SYNPR: variants seen among roughly 807,000 people sequenced by gnomAD.
SYNPR encodes synaptoporin.
A neutral mutation model predicts 32.9 loss-of-function variants in SYNPR; 23 were observed. The observed-to-expected ratio is 0.70, with a 90% CI of 0.50 to 0.99. The LOEUF (loss-of-function observed/expected upper bound fraction) is 0.99. Ranked by LOEUF, SYNPR falls within the 50% of genes least tolerant of loss-of-function variation. The pLI, the probability that SYNPR is intolerant of heterozygous loss-of-function variation, is 0.00. For missense variants in SYNPR, 318 were observed against 349.3 expected, an observed-to-expected ratio of 0.91 and a Z score of 0.71; for synonymous variants, 146 against 135.9, an observed-to-expected ratio of 1.07 and a Z score of -0.52.
chr3:63,571,548 CA>C (rs1330945128), intron 4 of SYNPR, among the ~76,000 whole-genome samples: 1 of 152,038 alleles, frequency 6.6e-6, no homozygotes, highest in African/African-American at 2.4e-5. Flanking sequence ...TTTAAAGACT[CA>C]GTTATGAATT....
intron 4 of SYNPR, among the ~76,000 whole-genome samples, chr3:63,589,303 C>T (rs867772983): frequency 3.9e-5 from 6 of 152,052 alleles, no homozygotes; most frequent in Non-Finnish European, 7.4e-5. Context: ...AGGACTTTTC[C>T]TACAAAGCTA....
At chr3:63,221,887 G>C in the SYNPR span, among the ~76,000 whole-genome samples, 6 of 151,926 alleles carry the variant, frequency 3.9e-5, no homozygotes, top group African/African-American at 1.2e-4. Flanking sequence ...ATCTCTAAAG[G>C]GTTTAGCATA....
chr3:63,305,055 C>A (rs1402745657), intron 2 of SYNPR, among the ~76,000 whole-genome samples: 1 of 151,926 alleles, frequency 6.6e-6, no homozygotes, highest in Non-Finnish European at 1.5e-5. Flanking sequence ...TCCCAGTGAC[C>A]TTCTGGTATT....
At chr3:63,396,291 GC>G (rs1399164680) in intron 2 of SYNPR, among the ~76,000 whole-genome samples, 6 of 152,064 alleles carry the variant, frequency 3.9e-5, no homozygotes, top group Admixed American at 3.9e-4. Context: ...AAAGCTATTA[GC>G]CTAAAAATGA....
intron 3 of SYNPR, among the ~76,000 whole-genome samples, chr3:63,542,898 G>A (rs1293116031): frequency 7.9e-5 from 12 of 152,044 alleles, no homozygotes; most frequent in Admixed American, 3.9e-4. Context: ...GTAAAATGAG[G>A]TAATTTGAGG....
chr3:63,609,315 T>C lies in SYNPR; in HGVS notation c.599T>C (p.Val200Ala), dbSNP rs1347444605. ...SPVMSSLNTS[V>A]VFGFLNFILW... ...GTTATGTCAAGCTTAAACACTTCTG[T>C]GGTAAGTATTTTTCATCTATGCTTT... Residue 200 changes from valine to alanine, a missense_variant and splice_region_variant, in exon 5 of 6, where the codon GTG becomes GCG. By Grantham distance (64) the Val-to-Ala change is moderately conservative (BLOSUM62 0). Coordinates refer to ENST00000478300, the MANE Select transcript of SYNPR (RefSeq NM_001130003.2). 3 of 1,559,800 alleles carry C rather than the reference T, an allele frequency of 1.9e-6. No homozygotes were observed. The highest frequency in any genetic ancestry group is 3.9e-5 in the Admixed American group (2 of 51,042).
intron 3 of SYNPR, among the ~76,000 whole-genome samples, chr3:63,529,959 C>A (rs951642565): frequency 6.6e-6 from 1 of 152,094 alleles, no homozygotes; most frequent in South Asian, 2.1e-4. Flanking sequence ...ACTTGACTTC[C>A]CCACTCTGGC....
chr3:63,304,018 T>C (rs1395931717), intron 2 of SYNPR, among the ~76,000 whole-genome samples: 2 of 152,024 alleles, frequency 1.3e-5, no homozygotes, highest in South Asian at 2.1e-4. Context: ...CAAATTTACC[T>C]TGAGACATCA....
At chr3:63,451,661 C>G (rs1195349079) in intron 2 of SYNPR, among the ~76,000 whole-genome samples, 1 of 152,064 alleles carries the variant, frequency 6.6e-6, no homozygotes, top group Non-Finnish European at 1.5e-5. Flanking sequence ...GACTTCAACG[C>G]TCTCCCCTCT....
intron 2 of SYNPR, among the ~76,000 whole-genome samples, chr3:63,345,896 C>T (rs1417270645): frequency 6.6e-6 from 1 of 151,956 alleles, no homozygotes; most frequent in Non-Finnish European, 1.5e-5. Context: ...CTCACTGCAA[C>T]CTCCATCTCC....
the SYNPR span, among the ~76,000 whole-genome samples, chr3:63,200,609 C>T: frequency 6.8e-3 from 1,035 of 152,214 alleles, 12 homozygotes; most frequent in African/African-American, 0.022. Context: ...GGTGAGGAAA[C>T]GGAAACTCAT....
intron 4 of SYNPR, among the ~76,000 whole-genome samples, chr3:63,588,484 C>T (rs542130120): frequency 1.1e-4 from 16 of 152,022 alleles, no homozygotes; most frequent in Non-Finnish European, 2.1e-4. Flanking sequence ...TAAATCTTAG[C>T]ATTTTCATCT....
At chr3:63,471,680 C>T (rs1332338926) in intron 2 of SYNPR, among the ~76,000 whole-genome samples, 7 of 152,160 alleles carry the variant, frequency 4.6e-5, no homozygotes, top group Non-Finnish European at 7.3e-5. Context: ...ACATATTCCT[C>T]GCTTTTTTAT....
chr3:63,510,915 C>CTGTGTGTGTGTGTGTGTGTGTGTGTGTG lies in SYNPR; in HGVS notation c.209+29979_209+29980insTGTGTGTGTGTGTGTGTGTGTGTGTGTG, dbSNP rs755622968. On this transcript the variant is annotated intron_variant, in intron 3 of 5. Transcript: ENST00000478300. ...GTAAATGAAAAGGCAAAAGGTACAA[C>CTGTGTGTGTGTGTGTGTGTGTGTGTGTG]TGTGTGTGTGTGTGTGTGTGCGCGC... Among the ~76,000 whole-genome samples, 844 of 149,156 alleles carry CTGTGTGTGTGTGTGTGTGTGTGTGTGTG rather than the reference C, an allele frequency of 5.7e-3. 5 individuals are homozygous for CTGTGTGTGTGTGTGTGTGTGTGTGTGTG. Among genetic ancestry groups the CTGTGTGTGTGTGTGTGTGTGTGTGTGTG allele is most frequent in the Admixed American group, 0.011 (161 of 14,964 alleles).
chr3:63,219,094 A>T, the SYNPR span, among the ~76,000 whole-genome samples: 1 of 152,192 alleles, frequency 6.6e-6, no homozygotes, highest in Admixed American at 6.5e-5. Context: ...TCTATGAAGG[A>T]ATTGAAGAGA....
chr3:63,598,989 A>T (rs1180942717), intron 4 of SYNPR, among the ~76,000 whole-genome samples: 1 of 152,212 alleles, frequency 6.6e-6, no homozygotes, highest in East Asian at 1.9e-4. Flanking sequence ...GATACTACTC[A>T]GGCAGACCAT....
intron 4 of SYNPR, among the ~76,000 whole-genome samples, chr3:63,562,721 A>G (rs1305646572): frequency 1.3e-5 from 2 of 152,242 alleles, no homozygotes; most frequent in African/African-American, 4.8e-5. Flanking sequence ...ATTGGAAAAT[A>G]AGTCCAGGAT....
At chr3:63,399,707 G>C (rs9856132) in intron 2 of SYNPR, among the ~76,000 whole-genome samples, 81,955 of 151,332 alleles carry the variant, frequency 0.54, 22,355 homozygotes, top group East Asian at 0.68. Flanking sequence ...TGGTAGACTA[G>C]GTTATTGTGC....
At chr3:63,499,053 A>T (rs948253544) in intron 3 of SYNPR, among the ~76,000 whole-genome samples, 11 of 151,850 alleles carry the variant, frequency 7.2e-5, no homozygotes, top group East Asian at 1.9e-4. Context: ...GTGAAAAAAA[A>T]TTTTTTCTGG....
Sources: gnomAD v4.1 joint callset for allele counts (sites outside exome capture counted in the v4.1 genomes callset) on GRCh38, gnomAD v4.1.1 for gene constraint, MANE v1.5 for transcripts, NCBI Gene and HGNC (gene_info 2026-07-23, HGNC 2026-07-21) for gene names.